The following FER1L6 variants were observed in gnomAD, a reference collection of about 807,000 sequenced individuals.
FER1L6 encodes the protein fer-1-like protein 6.
Under a neutral mutation model 219.2 loss-of-function variants are expected in FER1L6, and 177 were observed. The ratio of observed to expected loss-of-function variants is 0.81; its 90% CI spans 0.71 to 0.91. The LOEUF (loss-of-function observed/expected upper bound fraction) is 0.91. Ranked by LOEUF, FER1L6 falls within the 40% of genes least tolerant of loss-of-function variation. The pLI is 0.00. For missense variants in FER1L6, 2,153 were observed against 2,259.9 expected, an observed-to-expected ratio of 0.95 and a Z score of 0.96; for synonymous variants, 768 against 824.3, an observed-to-expected ratio of 0.93 and a Z score of 1.17.
chr8:123,938,657 G>C (rs746438424), intron 1 of FER1L6, among the ~76,000 whole-genome samples: 12 of 144,098 alleles, frequency 8.3e-5, no homozygotes, highest in Non-Finnish European at 1.8e-4. Context: ...TGCAATTCTT[G>C]TGCCTCAGCC....
At chr8:123,974,390 C>T (rs1292098314) in intron 7 of FER1L6, among the ~76,000 whole-genome samples, 6 of 151,982 alleles carry the variant, frequency 3.9e-5, no homozygotes, top group Admixed American at 2.6e-4. Context: ...AATCCTGGCA[C>T]TTTGAGAGGT....
At chr8:123,858,738 T>A (rs1430497240) in intron 1 of FER1L6, among the ~76,000 whole-genome samples, 1 of 152,152 alleles carries the variant, frequency 6.6e-6, no homozygotes, top group African/African-American at 2.4e-5. Flanking sequence ...GTGAGACGGC[T>A]TGAGAAGCAG....
intron 1 of FER1L6, among the ~76,000 whole-genome samples, chr8:123,898,879 A>G (rs887904952): frequency 6.7e-6 from 1 of 148,352 alleles, no homozygotes; most frequent in Admixed American, 6.7e-5. Flanking sequence ...ATATATATAT[A>G]TATCAGTTTT....
At chr8:123,993,259 G>A (rs1356971027) in intron 12 of FER1L6, among the ~76,000 whole-genome samples, 3 of 151,710 alleles carry the variant, frequency 2.0e-5, no homozygotes, top group South Asian at 4.2e-4. Flanking sequence ...CGGCTAAAAC[G>A]GTGAAACCCC....
chr8:124,069,528 T>C, intron 29 of FER1L6, 53 bp downstream of exon 29: 1 of 1,345,128 alleles, frequency 7.4e-7, no homozygotes, highest in Non-Finnish European at 1.0e-6. Context: ...TGCTCAGCAA[T>C]GAGGTTCTGT....
At chr8:123,857,379 A>G (rs1371162103) in intron 1 of FER1L6, among the ~76,000 whole-genome samples, 1 of 152,038 alleles carries the variant, frequency 6.6e-6, no homozygotes, top group African/African-American at 2.4e-5. Context: ...ACATTGTGGC[A>G]TGCACCTGTA....
chr8:124,070,671 A>C (rs2130868433), intron 30 of FER1L6, 73 bp downstream of exon 30: 1 of 1,361,872 alleles, frequency 7.3e-7, no homozygotes, highest in East Asian at 2.5e-5. Flanking sequence ...GATTCTGTTA[A>C]TGGAATTGTG....
At chr8:123,998,675 T>A (rs1016671217) in intron 12 of FER1L6, among the ~76,000 whole-genome samples, 2 of 152,068 alleles carry the variant, frequency 1.3e-5, no homozygotes, top group African/African-American at 4.8e-5. Flanking sequence ...CCCAGATGGG[T>A]CCAGAGATGT....
chr8:124,023,661 T>C (rs1818569106), intron 18 of FER1L6, 65 bp downstream of exon 18: 2 of 1,544,308 alleles, frequency 1.3e-6, no homozygotes, highest in Middle Eastern at 2.1e-4. Context: ...GCTCAGACTT[T>C]CTAGTGTGTG....
chr8:123,975,116 G>A (rs1163482255), intron 7 of FER1L6, 34 bp from the exon 8 acceptor site: 1 of 1,534,650 alleles, frequency 6.5e-7, no homozygotes, highest in Non-Finnish European at 8.8e-7. Context: ...GGGCCCATCT[G>A]TGAAGGATGT....
Position 123,975,884 on chromosome 8 carries a change from T to C in FER1L6, c.684-14T>C. 2.6e-6 allele frequency: 4 copies of C among 1,524,838 alleles called. No homozygotes were observed. Among genetic ancestry groups the C allele is most frequent in the Non-Finnish European group, 3.5e-6 (4 of 1,133,922 alleles). 94.5% of individuals were successfully genotyped at this position (1,524,838 alleles called of 1,614,324 possible). A position where few individuals can be genotyped will look rare whatever the true frequency, so the allele number is the denominator to read the frequency against. On this transcript the variant is annotated splice_polypyrimidine_tract_variant and intron_variant, in intron 8 of 40. Coordinates refer to ENST00000522917, the MANE Select transcript of FER1L6 (RefSeq NM_001039112.2). Reference sequence around the variant, plus strand: ...TTGAGAGAGCTTTTTCATTTGTTTTTGTCTCCCTCTAAGGAACCTTTTGAT... The same window carrying C: ...TTGAGAGAGCTTTTTCATTTGTTTTCGTCTCCCTCTAAGGAACCTTTTGAT...
chr8:123,925,639 A>G (rs1813534909), intron 1 of FER1L6: 1 of 152,246 alleles, frequency 6.6e-6, no homozygotes, highest in African/African-American at 2.4e-5. Flanking sequence ...ACAATGAGAT[A>G]AAGTGTACAT....
At chr8:124,065,337 G>A (rs984381384) in intron 26 of FER1L6, among the ~76,000 whole-genome samples, 2 of 149,120 alleles carry the variant, frequency 1.3e-5, no homozygotes, top group Non-Finnish European at 1.5e-5. Flanking sequence ...GGAGGCGGAG[G>A]CTGCAGTGAG....
chr8:124,089,705 T>TACAAGAAATTAGAAAAC (rs1181861889), intron 33 of FER1L6, among the ~76,000 whole-genome samples: 1 of 152,226 alleles, frequency 6.6e-6, no homozygotes, highest in Admixed American at 6.5e-5. Flanking sequence ...AAACACAAAG[T>TACAAGAAATTAGAAAAC]ACAAAATAAC....
chr8:124,023,939 C>T (rs763997639), intron 18 of FER1L6, among the ~76,000 whole-genome samples: 14 of 151,172 alleles, frequency 9.3e-5, no homozygotes, highest in Non-Finnish European at 1.6e-4. Context: ...CACTGTCGCC[C>T]GGGCTGGAGT....
intron 18 of FER1L6, among the ~76,000 whole-genome samples, chr8:124,025,625 T>C (rs1818673912): frequency 6.6e-6 from 1 of 152,222 alleles, no homozygotes. Flanking sequence ...TCTAGATTTG[T>C]TCTTTTTCTT....
chr8:124,097,482 G>T, intron 36 of FER1L6, 123 bp downstream of exon 36: 1 of 712,088 alleles, frequency 1.4e-6, no homozygotes, highest in Non-Finnish European at 2.4e-6. Context: ...CACCCGGCCA[G>T]TTTTTCAGGA....
At chr8:123,937,235 C>G (rs770031776) in intron 1 of FER1L6, among the ~76,000 whole-genome samples, 1 of 152,248 alleles carries the variant, frequency 6.6e-6, no homozygotes, top group Non-Finnish European at 1.5e-5. Flanking sequence ...AATGCTCACT[C>G]TATCCTAATT....
chr8:123,973,408 A>G, intron 6 of FER1L6, 26 bp from the exon 7 acceptor site: 1 of 1,586,954 alleles, frequency 6.3e-7, no homozygotes, highest in Non-Finnish European at 8.7e-7. Flanking sequence ...TAAATCTGCC[A>G]TACTCCCTGC....
Sources: allele counts gnomAD v4.1 joint callset (sites outside exome capture counted in the v4.1 genomes callset), GRCh38; gene constraint gnomAD v4.1.1; transcripts MANE v1.5; gene names NCBI Gene and HGNC (gene_info 2026-07-23, HGNC 2026-07-21).